The following N4BP2L2 variants were observed in gnomAD, a reference collection of about 807,000 sequenced individuals.
N4BP2L2 encodes the protein NEDD4-binding protein 2-like 2.
A neutral mutation model predicts 56.2 loss-of-function variants in N4BP2L2; 50 were observed. The ratio of observed to expected loss-of-function variants is 0.89; its 90% CI spans 0.71 to 1.13. The LOEUF (loss-of-function observed/expected upper bound fraction) is 1.13. Among genes scored for constraint, N4BP2L2 ranks in the 50% most tolerant of loss-of-function variants. The probability of loss-of-function intolerance (pLI) is 0.00; values close to 1 mark genes in which losing one functional copy is unlikely to be tolerated. For synonymous variants in N4BP2L2, 203 were observed against 223.6 expected, an observed-to-expected ratio of 0.91 and a Z score of 0.82; for missense variants, 689 against 693.8, an observed-to-expected ratio of 0.99 and a Z score of 0.08.
chr13:32,516,504 G>A (rs533317482), exon 6 of N4BP2L2: 1 of 152,220 alleles, frequency 6.6e-6, no homozygotes, highest in African/African-American at 2.4e-5. Context: ...AACTTAAAAA[G>A]TAATATAAAG....
At chr13:32,523,990 T>C (rs57774047) in intron 3 of N4BP2L2, 3 of 152,202 alleles carry the variant, frequency 2.0e-5, no homozygotes, top group Admixed American at 6.5e-5. Flanking sequence ...AATGCAAAGA[T>C]GTGGAAATTT....
chr13:32,504,087 G>A (rs895328076), intron 6 of N4BP2L2, among the ~76,000 whole-genome samples: 4 of 152,080 alleles, frequency 2.6e-5, no homozygotes, highest in African/African-American at 4.8e-5. Flanking sequence ...AAAATTTTTC[G>A]AAACAACATA....
Position 32,517,706 on chromosome 13 carries a change from T to TCCC in N4BP2L2, c.*95_*96insGGG. On this transcript the variant is annotated 3_prime_UTR_variant, in exon 6 of 6. Transcript: ENST00000267068. Reference sequence around the variant, plus strand: ...TGGGAACATCCTTTGTGAGGCACTGTAGCCTTTTTTTATTTGAAACTACTT... The same window carrying TCCC: ...TGGGAACATCCTTTGTGAGGCACTGTCCCAGCCTTTTTTTATTTGAAACTACTT... The TCCC allele has an allele frequency of 3.4e-6, 5 of 1,475,506 alleles. No individual in the cohort carries two copies. The South Asian group carries it at 7.0e-5, about 21-fold the overall frequency. The allele number at this position is 1,475,506 out of a possible 1,614,324, so 91.4% of individuals were successfully genotyped here.
intron 3 of N4BP2L2, chr13:32,527,168 A>G: frequency 2.4e-6 from 1 of 419,480 alleles, no homozygotes; most frequent in South Asian, 3.4e-5. Context: ...TTATACTGAT[A>G]AACTATTTAC....
downstream of N4BP2L2, chr13:32,506,863 G>T (rs1302376648): frequency 6.6e-6 from 1 of 152,078 alleles, no homozygotes; most frequent in African/African-American, 2.4e-5. Flanking sequence ...ATGATTTCTG[G>T]TCTTTATTCT....
chr13:32,442,876 T>G (rs1336956357), exon 7 of N4BP2L2: 2 of 1,613,272 alleles, frequency 1.2e-6, no homozygotes, highest in Non-Finnish European at 1.7e-6. Flanking sequence ...CCACAATGGA[T>G]GATGATCAAA....
chr13:32,468,129 G>A (rs2081572666), intron 6 of N4BP2L2, among the ~76,000 whole-genome samples: 1 of 152,114 alleles, frequency 6.6e-6, no homozygotes. Flanking sequence ...AGGGGCTAAA[G>A]AAAAAGTTAC....
At chr13:32,533,917 C>T (rs563038433) in intron 2 of N4BP2L2, among the ~76,000 whole-genome samples, 4 of 152,042 alleles carry the variant, frequency 2.6e-5, no homozygotes, top group African/African-American at 9.7e-5. Context: ...AACGTGTTGA[C>T]CTAAAGAGGT....
chr13:32,536,545 A>C (rs934799749), exon 2 of N4BP2L2: 8 of 1,613,846 alleles, frequency 5.0e-6, no homozygotes, highest in Non-Finnish European at 6.8e-6. Context: ...TTTCAGAGTT[A>C]AATTTCTGTT....
At chr13:32,499,743 C>G (rs970336701) in intron 6 of N4BP2L2, among the ~76,000 whole-genome samples, 32 of 152,204 alleles carry the variant, frequency 2.1e-4, no homozygotes, top group African/African-American at 7.5e-4. Flanking sequence ...GTCCCACCCT[C>G]TATCTGACCA....
chr13:32,479,870 G>C (rs1356940587), intron 6 of N4BP2L2, among the ~76,000 whole-genome samples: 2 of 152,030 alleles, frequency 1.3e-5, no homozygotes, highest in East Asian at 3.9e-4. Flanking sequence ...CAGGAGAAGG[G>C]AAGTGCAGGG....
intron 6 of N4BP2L2, among the ~76,000 whole-genome samples, chr13:32,495,698 T>C (rs1024234196): frequency 6.6e-6 from 1 of 152,142 alleles, no homozygotes; most frequent in Non-Finnish European, 1.5e-5. Context: ...CCTCTTTTTT[T>C]TTTTAAATGG....
chr13:32,534,874 T>C (rs1392617016), intron 2 of N4BP2L2, among the ~76,000 whole-genome samples: 1 of 152,206 alleles, frequency 6.6e-6, no homozygotes, highest in Non-Finnish European at 1.5e-5. Context: ...TACTGCTTTC[T>C]TTACACTATT....
chr13:32,448,512 G>A (rs1335051062), intron 6 of N4BP2L2, among the ~76,000 whole-genome samples: 1 of 152,198 alleles, frequency 6.6e-6, no homozygotes, highest in East Asian at 1.9e-4. Flanking sequence ...GTAAGATTTT[G>A]CTTTCTAGAT....
chr13:32,445,237 C>T (rs1345516391), intron 6 of N4BP2L2, among the ~76,000 whole-genome samples: 1 of 151,490 alleles, frequency 6.6e-6, no homozygotes, highest in Non-Finnish European at 1.5e-5. Flanking sequence ...GCCCACAGGG[C>T]AAGACTCCAA....
rs773938969 is a variant in N4BP2L2, at chr13:32,536,285, C to T, written c.743G>A (p.Cys248Tyr). The stretch of plus-strand genomic sequence containing the variant: ...AAATGTAGGTATTACTTGTCCATTA[C>T]AGGGATATTTGTCTGGCTCATTCCC... Residue 248 changes from cysteine (C) to tyrosine (Y), a missense_variant, in exon 2 of 6, where the codon TGT becomes TAT. Physicochemically the swap from Cys to Tyr is radical, Grantham distance 194 (BLOSUM62 -2). Transcript: ENST00000267068. 9.3e-6 allele frequency: 15 copies of T among 1,613,350 alleles called. No homozygotes were observed. The Admixed American group carries it at 1.0e-4, about 11-fold the overall frequency.
chr13:32,443,991 T>C (rs2076671440), exon 7 of N4BP2L2: 2 of 1,608,548 alleles, frequency 1.2e-6, no homozygotes, highest in Non-Finnish European at 1.7e-6. Context: ...GATCTCCCGG[T>C]GTAAGATCAC....
chr13:32,462,151 T>C (rs1272350311), intron 6 of N4BP2L2, among the ~76,000 whole-genome samples: 1 of 152,326 alleles, frequency 6.6e-6, no homozygotes, highest in South Asian at 2.1e-4. Flanking sequence ...CCCATGTTTA[T>C]TGCAGCACTA....
At chr13:32,517,154 G>A in exon 6 of N4BP2L2, 1 of 985,296 alleles carries the variant, frequency 1.0e-6, no homozygotes, top group Non-Finnish European at 1.2e-6. Context: ...TTAGGGAGAT[G>A]GGTTGAGAAG....
Sources: gnomAD v4.1 joint callset for allele counts (sites outside exome capture counted in the v4.1 genomes callset) on GRCh38, gnomAD v4.1.1 for gene constraint, MANE v1.5 for transcripts, NCBI Gene and HGNC (gene_info 2026-07-23, HGNC 2026-07-21) for gene names.